The following NOS2 variants were observed in gnomAD, a reference collection of about 807,000 sequenced individuals.
NOS2 encodes nitric oxide synthase 2, also known as nitric oxide synthase, inducible.
A neutral mutation model predicts 136.0 loss-of-function variants in NOS2; 96 were observed. The ratio of observed to expected loss-of-function variants is 0.71; its 90% CI spans 0.60 to 0.84. The LOEUF is 0.84. Ranked by LOEUF, NOS2 falls within the 40% of genes least tolerant of loss-of-function variation. The probability of loss-of-function intolerance (pLI) is 0.00; values close to 1 mark genes in which losing one functional copy is unlikely to be tolerated. For missense variants in NOS2, 1,237 were observed against 1,496.9 expected, an observed-to-expected ratio of 0.83 and a Z score of 2.87; for synonymous variants, 539 against 587.5, an observed-to-expected ratio of 0.92 and a Z score of 1.20.
In NOS2 at chr17:27,767,951, C is replaced by T. The variant is rs556008163; in HGVS notation, c.2035-114G>A. Reference sequence around the variant, plus strand: ...GGGCCAAACACTGAGCCGTGTGTTTCGTGTAACTTCGAAGCACACTTACCT... The same window carrying T: ...GGGCCAAACACTGAGCCGTGTGTTTTGTGTAACTTCGAAGCACACTTACCT... On this transcript the variant is annotated intron_variant, in intron 17 of 26. Transcript: ENST00000313735. 2.9e-5 allele frequency: 40 copies of T among 1,356,118 alleles called. No individual in the cohort carries two copies. The South Asian group carries it at 3.0e-4, about 10-fold the overall frequency. 84.0% of individuals were successfully genotyped at this position (1,356,118 alleles called of 1,614,324 possible). A position where few individuals can be genotyped will look rare whatever the true frequency, so the allele number is the denominator to read the frequency against.
intron 2 of NOS2, chr17:27,793,677 G>A: frequency 2.5e-6 from 1 of 396,190 alleles, no homozygotes; most frequent in South Asian, 1.3e-4. Context: ...CGCACGCCGC[G>A]CCCAGCCCCT....
chr17:27,775,775 C>T (rs1419748142), intron 11 of NOS2, among the ~76,000 whole-genome samples: 1 of 152,040 alleles, frequency 6.6e-6, no homozygotes, highest in South Asian at 2.1e-4. Flanking sequence ...CAAAACAAGA[C>T]CTTGTCTCCA....
At chr17:27,776,882 C>T (rs1908676217) in intron 11 of NOS2, among the ~76,000 whole-genome samples, 1 of 152,090 alleles carries the variant, frequency 6.6e-6, no homozygotes, top group South Asian at 2.1e-4. Flanking sequence ...GAAACAAGGG[C>T]CCATCTTTTG....
intron 2 of NOS2, among the ~76,000 whole-genome samples, chr17:27,791,560 C>T (rs904742134): frequency 1.3e-5 from 2 of 152,010 alleles, no homozygotes; most frequent in South Asian, 4.1e-4. Context: ...CCACAGACCC[C>T]ACCCTGATCC....
intron 2 of NOS2, among the ~76,000 whole-genome samples, chr17:27,797,882 G>A (rs28998802): frequency 0.11 from 16,981 of 152,102 alleles, 1,268 homozygotes; most frequent in South Asian, 0.19. Flanking sequence ...TGTAATTACC[G>A]GTCATTCAGG....
intron 21 of NOS2, among the ~76,000 whole-genome samples, chr17:27,763,723 C>A (rs1908209425): frequency 6.6e-6 from 1 of 151,898 alleles, no homozygotes; most frequent in Non-Finnish European, 1.5e-5. Context: ...AGGGCGGCTC[C>A]CCTTTCTAGC....
At chr17:27,783,981 A>G (rs969322649) in intron 5 of NOS2, among the ~76,000 whole-genome samples, 1 of 152,196 alleles carries the variant, frequency 6.6e-6, no homozygotes, top group African/African-American at 2.4e-5. Flanking sequence ...AGAGCTGCCC[A>G]CGTCATAGTC....
intron 21 of NOS2, 56 bp downstream of exon 21, chr17:27,763,925 C>A (rs1029374876): frequency 2.1e-6 from 3 of 1,429,248 alleles, no homozygotes; most frequent in African/African-American, 2.9e-5. Flanking sequence ...GACTCTGGCT[C>A]CCCACATGCT....
rs11428460 is a variant in NOS2, at chr17:27,767,000, C to CAAA, written c.2168-415_2168-413dup. On this transcript the variant is annotated intron_variant, in intron 18 of 26. Transcript: ENST00000313735. ...TGGACGACAGACCGAGACTCCGTCT[C>CAAA]AAAAAAAAAAAAAAAAAAAAAAAAG... 3.0e-3 allele frequency among the ~76,000 whole-genome samples: 128 copies of CAAA among 42,334 alleles called. 1 individual carries two copies. The highest frequency in any genetic ancestry group is 4.3e-3 in the East Asian group (5 of 1,162). The allele number at this position is 42,334 out of a possible 152,430, so 27.8% of individuals were successfully genotyped here. A position where few individuals can be genotyped will look rare whatever the true frequency, so the allele number is the denominator to read the frequency against.
intron 2 of NOS2, 28 bp from the exon 3 acceptor site, chr17:27,789,716 T>C: frequency 6.4e-7 from 1 of 1,560,908 alleles, no homozygotes; most frequent in Non-Finnish European, 8.8e-7. Flanking sequence ...TAGCATGAGA[T>C]GCGGTATCCA....
In NOS2 at chr17:27,774,524, G is replaced by T. The variant is rs956369134; in HGVS notation, c.1282-73C>A. ...AGGAGAGGGGCCGGTTGGCCGCAGG[G>T]CTCCCAGAGAGTGCCTGGGAAGGCC... On this transcript the variant is annotated intron_variant, in intron 11 of 26. Coordinates refer to ENST00000313735, the MANE Select transcript of NOS2 (RefSeq NM_000625.4). The T allele has an allele frequency of 4.9e-6, 6 of 1,223,758 alleles. No individual in the cohort carries two copies. The African/African-American group carries it at 9.4e-5, about 19-fold the overall frequency. The allele number at this position is 1,223,758 out of a possible 1,614,324, so 75.8% of individuals were successfully genotyped here. A position where few individuals can be genotyped will look rare whatever the true frequency, so the allele number is the denominator to read the frequency against.
intron 26 of NOS2, 62 bp from the exon 27 acceptor site, chr17:27,757,415 C>A (rs1907964032): frequency 1.4e-6 from 2 of 1,387,340 alleles, no homozygotes; most frequent in Non-Finnish European, 2.0e-6. Flanking sequence ...CCTGGGGTTG[C>A]CCAGCTTCCC....
chr17:27,785,731 G>C (rs1027994799), intron 5 of NOS2, among the ~76,000 whole-genome samples: 15 of 152,178 alleles, frequency 9.9e-5, no homozygotes, highest in Admixed American at 9.8e-4. Flanking sequence ...GCCAAGGCAG[G>C]AGGATCGCTT....
intron 11 of NOS2, among the ~76,000 whole-genome samples, chr17:27,775,708 C>T (rs1426189657): frequency 6.6e-6 from 1 of 152,084 alleles, no homozygotes; most frequent in Non-Finnish European, 1.5e-5. Context: ...TGCTTGAGCC[C>T]AGGAGGTCAA....
chr17:27,763,066 G>A lies in NOS2; in HGVS notation c.2593-61C>T, dbSNP rs1029101663. On this transcript the variant is annotated intron_variant, in intron 21 of 26. Transcript: ENST00000313735. ...CCTGTCCCGCTTTGGGGAAAAGACTGTCACAACCCAGTATTCATTCATTCA... is the reference window on the plus strand; with the variant it reads ...CCTGTCCCGCTTTGGGGAAAAGACTATCACAACCCAGTATTCATTCATTCA... 8.9e-5 allele frequency: 96 copies of A among 1,082,096 alleles called. No homozygotes were observed. The African/African-American group carries it at 1.4e-3, about 16-fold the overall frequency. The allele number at this position is 1,082,096 out of a possible 1,614,324, so 67.0% of individuals were successfully genotyped here. A position where few individuals can be genotyped will look rare whatever the true frequency, so the allele number is the denominator to read the frequency against.
intron 2 of NOS2, among the ~76,000 whole-genome samples, chr17:27,791,039 A>G (rs1909167137): frequency 6.6e-6 from 1 of 152,206 alleles, no homozygotes; most frequent in Non-Finnish European, 1.5e-5. Context: ...GCGATAAATG[A>G]CCATGTATTG....
intron 11 of NOS2, 147 bp from the exon 12 acceptor site, chr17:27,774,598 C>T: frequency 2.0e-6 from 1 of 495,490 alleles, no homozygotes; most frequent in Non-Finnish European, 3.4e-6. Context: ...TCCTTGCCTG[C>T]TGAAAATAAA....
intron 6 of NOS2, among the ~76,000 whole-genome samples, chr17:27,782,475 G>A (rs1011920600): frequency 2.6e-5 from 4 of 152,196 alleles, no homozygotes. Context: ...CACAGCCAGA[G>A]TTGGTTTCAC....
chr17:27,764,750 C>A (rs1406296424), intron 20 of NOS2, among the ~76,000 whole-genome samples: 1 of 152,220 alleles, frequency 6.6e-6, no homozygotes, highest in Non-Finnish European at 1.5e-5. Flanking sequence ...GGCATGAGCA[C>A]TGAATGAAAT....
Sources: gnomAD v4.1 joint callset for allele counts (sites outside exome capture counted in the v4.1 genomes callset) on GRCh38, gnomAD v4.1.1 for gene constraint, MANE v1.5 for transcripts, NCBI Gene and HGNC (gene_info 2026-07-23, HGNC 2026-07-21) for gene names.